The following NKAIN3 variants were observed in gnomAD, a reference collection of about 807,000 sequenced individuals.
NKAIN3 encodes sodium/potassium-transporting ATPase subunit beta-1-interacting protein 3.
NKAIN3 carries 25 observed loss-of-function variants against 30.2 expected under a neutral mutation model. That is an observed-to-expected ratio of 0.83 (90% CI 0.60 to 1.16). The LOEUF is 1.16. Among genes scored for constraint, NKAIN3 ranks in the 50% most tolerant of loss-of-function variants. The pLI is 0.00. For missense variants in NKAIN3, 225 were observed against 254.1 expected (o/e 0.89, Z 0.78); for synonymous variants, 91 against 89.6 (o/e 1.02, Z -0.09).
chr8:62,648,279 G>C (rs1812525625), intron 3 of NKAIN3, among the ~76,000 whole-genome samples: 1 of 152,248 alleles, frequency 6.6e-6, no homozygotes, highest in African/African-American at 2.4e-5. Context: ...TGAGAGTCAT[G>C]AGATTACAAT....
chr8:62,317,256 C>T lies in NKAIN3; in HGVS notation c.54+68129C>T, dbSNP rs147009851. 9.5e-3 allele frequency among the ~76,000 whole-genome samples: 1,445 copies of T among 152,084 alleles called. 30 individuals are homozygous for T. The highest frequency in any genetic ancestry group is 0.031 in the African/African-American group (1,297 of 41,500). On this transcript the variant is annotated intron_variant, in intron 1 of 6. Transcript: ENST00000623646. Reference sequence around the variant, plus strand: ...TCACTCTTATAGTAGTTTCTTTTGCCGTGCAGAAGCTCTTTAGTTTAATTA... The same window carrying T: ...TCACTCTTATAGTAGTTTCTTTTGCTGTGCAGAAGCTCTTTAGTTTAATTA...
intron 3 of NKAIN3, among the ~76,000 whole-genome samples, chr8:62,596,678 C>T (rs909525054): frequency 3.3e-5 from 5 of 151,988 alleles, no homozygotes; most frequent in African/African-American, 1.2e-4. Context: ...TCAAGTATTC[C>T]GTTATCACCG....
At chr8:62,310,607 A>G (rs1814396628) in intron 1 of NKAIN3, among the ~76,000 whole-genome samples, 2 of 150,330 alleles carry the variant, frequency 1.3e-5, no homozygotes, top group East Asian at 1.9e-4. Flanking sequence ...TGATTAGTCC[A>G]TAAGATTCGA....
At chr8:62,818,086 A>G (rs1006416116) in intron 4 of NKAIN3, among the ~76,000 whole-genome samples, 5 of 152,164 alleles carry the variant, frequency 3.3e-5, no homozygotes, top group Admixed American at 6.6e-5. Flanking sequence ...ATAGAGCTTT[A>G]TCAAATTGCC....
intron 4 of NKAIN3, among the ~76,000 whole-genome samples, chr8:62,892,625 G>A (rs1821326316): frequency 6.6e-6 from 1 of 152,068 alleles, no homozygotes; most frequent in Non-Finnish European, 1.5e-5. Flanking sequence ...ATGAAGAACA[G>A]GAACTCTTAA....
At chr8:62,642,250 T>C (rs1356249598) in intron 3 of NKAIN3, among the ~76,000 whole-genome samples, 1 of 152,142 alleles carries the variant, frequency 6.6e-6, no homozygotes, top group Admixed American at 6.6e-5. Context: ...CATGTCACCA[T>C]GTAGCATGAC....
chr8:62,533,053 G>C (rs1219699114), intron 1 of NKAIN3, among the ~76,000 whole-genome samples: 1 of 152,110 alleles, frequency 6.6e-6, no homozygotes, highest in East Asian at 1.9e-4. Flanking sequence ...ACATTCTAGT[G>C]GTGTGGGGGA....
chr8:62,517,322 A>G (rs963082826), intron 1 of NKAIN3, among the ~76,000 whole-genome samples: 2 of 152,152 alleles, frequency 1.3e-5, no homozygotes, highest in Non-Finnish European at 2.9e-5. Flanking sequence ...CCAAACTCTG[A>G]AAGTTTATTT....
At chr8:62,682,116 A>C (rs1813660940) in intron 3 of NKAIN3, among the ~76,000 whole-genome samples, 1 of 152,160 alleles carries the variant, frequency 6.6e-6, no homozygotes, top group South Asian at 2.1e-4. Flanking sequence ...TGAAGGAAGC[A>C]GATTGCTCCT....
intron 3 of NKAIN3, among the ~76,000 whole-genome samples, chr8:62,590,769 C>T (rs1048537919): frequency 4.6e-5 from 7 of 151,740 alleles, no homozygotes; most frequent in African/African-American, 7.2e-5. Flanking sequence ...CAGCAAAAAT[C>T]CCTGAAGGAT....
intron 3 of NKAIN3, among the ~76,000 whole-genome samples, chr8:62,693,847 G>C (rs568823740): frequency 3.2e-4 from 49 of 152,184 alleles, no homozygotes; most frequent in Non-Finnish European, 5.9e-4. Context: ...TCTAGGAAAA[G>C]AGCAAATGTC....
chr8:62,577,486 T>TTG lies in NKAIN3; in HGVS notation c.55-2052_55-2051insGT, dbSNP rs1554549860. Among the ~76,000 whole-genome samples, 42 of 148,454 alleles carry TTG rather than the reference T, an allele frequency of 2.8e-4. 1 individual carries two copies. Among genetic ancestry groups the TTG allele is most frequent in the African/African-American group, 9.9e-4 (40 of 40,460 alleles). Reference sequence around the variant, plus strand: ...TTGTTGTTTTTTTTTTGGTTTTTTTTTTTGTTTGTTTTTCTGAATGAATGG... The same window carrying TTG: ...TTGTTGTTTTTTTTTTGGTTTTTTTTTGTTTGTTTGTTTTTCTGAATGAATGG... On this transcript the variant is annotated intron_variant, in intron 1 of 6. Coordinates refer to ENST00000623646, the MANE Select transcript of NKAIN3 (RefSeq NM_001304533.3).
At chr8:62,626,256 A>G (rs1297593860) in intron 3 of NKAIN3, among the ~76,000 whole-genome samples, 1 of 152,118 alleles carries the variant, frequency 6.6e-6, no homozygotes, top group Non-Finnish European at 1.5e-5. Context: ...ATTTTCACAG[A>G]GAAAAGCCCC....
chr8:62,992,634 A>G (rs937143347), intron 5 of NKAIN3, among the ~76,000 whole-genome samples: 2 of 151,734 alleles, frequency 1.3e-5, no homozygotes, highest in Admixed American at 6.6e-5. Context: ...TCCCTTGCCC[A>G]TGCCATAGGT....
chr8:62,356,510 A>G (rs1816362871), intron 1 of NKAIN3, among the ~76,000 whole-genome samples: 1 of 152,166 alleles, frequency 6.6e-6, no homozygotes, highest in African/African-American at 2.4e-5. Flanking sequence ...AAACCTGGAA[A>G]GAGTCTTTGA....
At chr8:62,611,959 G>A (rs562404976) in intron 3 of NKAIN3, among the ~76,000 whole-genome samples, 30 of 151,970 alleles carry the variant, frequency 2.0e-4, no homozygotes, top group African/African-American at 5.8e-4. Flanking sequence ...TTGTTATTGC[G>A]TGTCTTTTGG....
chr8:62,563,673 G>T (rs979265833), intron 1 of NKAIN3, among the ~76,000 whole-genome samples: 1 of 152,100 alleles, frequency 6.6e-6, no homozygotes, highest in Non-Finnish European at 1.5e-5. Context: ...AGCTAACTGG[G>T]TTGATATAAG....
chr8:62,883,468 T>TTTTTTTTTTTTTTTTC, intron 4 of NKAIN3, among the ~76,000 whole-genome samples: 1 of 146,484 alleles, frequency 6.8e-6, no homozygotes, highest in South Asian at 2.2e-4. Context: ...TTTTTTTTTT[T>TTTTTTTTTTTTTTTTC]TTTTTCAGAT....
intron 5 of NKAIN3, among the ~76,000 whole-genome samples, chr8:62,993,315 C>A (rs1563658206): frequency 6.6e-6 from 1 of 152,090 alleles, no homozygotes; most frequent in Non-Finnish European, 1.5e-5. Context: ...CAAATAGTTT[C>A]GTTTAGTATT....
Sources: gnomAD v4.1 joint callset for allele counts (sites outside exome capture counted in the v4.1 genomes callset) on GRCh38, gnomAD v4.1.1 for gene constraint, MANE v1.5 for transcripts, NCBI Gene and HGNC (gene_info 2026-07-23, HGNC 2026-07-21) for gene names.